SRGAP1: variants seen among roughly 807,000 people sequenced by gnomAD.
SRGAP1 encodes SLIT-ROBO Rho GTPase activating protein 1, also known as SLIT-ROBO Rho GTPase-activating protein 1.
SRGAP1 carries 43 observed loss-of-function variants against 121.9 expected under a neutral mutation model. The observed-to-expected ratio is 0.35, with a 90% CI of 0.28 to 0.46. The LOEUF is 0.46. SRGAP1 is among the 20% of genes least tolerant of loss of function. The pLI is 1.00. For missense variants in SRGAP1, 1,102 were observed against 1,350.9 expected (o/e 0.82, Z 2.89); for synonymous variants, 447 against 485.4 (o/e 0.92, Z 1.04).
intron 10 of SRGAP1, 187 bp downstream of exon 10, chr12:64,080,557 G>A (rs1461302601): frequency 2.9e-6 from 2 of 679,956 alleles, no homozygotes; most frequent in Admixed American, 4.1e-5. Context: ...AAAGCATGGT[G>A]CTAACCTTGA....
Position 64,126,125 on chromosome 12 carries a change from G to A in SRGAP1, c.2373G>A (p.Leu791=), listed in dbSNP as rs1340888798. 1.2e-6 allele frequency: 2 copies of A among 1,614,038 alleles called. No homozygotes were observed. Among genetic ancestry groups the A allele is most frequent in the Non-Finnish European group, 8.5e-7 (1 of 1,180,012 alleles). Residue 791 remains leucine, a synonymous_variant, in exon 19 of 22, where the codon CTG becomes CTA. Transcript: ENST00000355086. The part of the protein sequence containing the change: ...WEGRHNGIDG[L]VPHQYIVVQD... ...GCAGGCACAACGGGATTGACGGGCT[G>A]GTGCCTCACCAGTATATAGTGGTGC...
chr12:63,984,626 C>T (rs987006264), intron 2 of SRGAP1, among the ~76,000 whole-genome samples: 1 of 152,108 alleles, frequency 6.6e-6, no homozygotes, highest in Non-Finnish European at 1.5e-5. Context: ...AAGGAAAATG[C>T]TATGAATGAG....
At chr12:63,913,454 C>CAA (rs1461793304) in intron 1 of SRGAP1, among the ~76,000 whole-genome samples, 2 of 124,102 alleles carry the variant, frequency 1.6e-5, no homozygotes, top group East Asian at 5.2e-4. Flanking sequence ...ACTGTGTCCA[C>CAA]ATATATATAT....
Position 64,146,338 on chromosome 12 carries a change from A to T in SRGAP1, c.*3666A>T, listed in dbSNP as rs190612614. On this transcript the variant is annotated 3_prime_UTR_variant, in exon 22 of 22. Transcript: ENST00000355086. ...TATAGTGCTCCAAGAGTCAAATTGT[A>T]TCCGTTAAGGGTTTTCTAACTTTTG... 181 of 152,318 alleles carry T rather than the reference A, an allele frequency of 1.2e-3. No individual in the cohort carries two copies. Among genetic ancestry groups the T allele is most frequent in the African/African-American group, 4.1e-3 (170 of 41,568 alleles). 9.4% of individuals were successfully genotyped at this position (152,318 alleles called of 1,614,324 possible).
chr12:63,984,133 A>T lies in SRGAP1; in HGVS notation c.254A>T (p.Gln85Leu), dbSNP rs201941344. Reference sequence around the variant, plus strand: ...AAAACAAGAAGCACTAAGGATCATCAACAATACAAGTAAGAGATTTGAATC... The same window carrying T: ...AAAACAAGAAGCACTAAGGATCATCTACAATACAAGTAAGAGATTTGAATC... ...MAKTRSTKDH[Q>L]QYKKDQNLLS... The change falls in exon 2 of 22, where the codon CAA (glutamine) becomes CTA (leucine). Residue 85 changes from glutamine (Q) to leucine (L), a missense_variant. Gln to Leu is a moderately radical substitution (Grantham distance 113). Transcript: ENST00000355086. The T allele has an allele frequency of 1.8e-4, 272 of 1,475,438 alleles. 1 individual carries two copies. Among genetic ancestry groups the T allele is most frequent in the Non-Finnish European group, 2.8e-5 (31 of 1,093,970 alleles). The allele number at this position is 1,475,438 out of a possible 1,614,324, so 91.4% of individuals were successfully genotyped here.
In SRGAP1 at chr12:63,866,827, GTC is replaced by G. The variant is rs1899650799; in HGVS notation, c.67+21948_67+21949del. Reference sequence around the variant, plus strand: ...CTGGTCAGCAATGCATTTGTTACCAGTCTCTGGGGAGATAAGGGAGGAGATAA... The same window carrying G: ...CTGGTCAGCAATGCATTTGTTACCAGTCTGGGGAGATAAGGGAGGAGATAA... On this transcript the variant is annotated intron_variant, in intron 1 of 21. Coordinates refer to ENST00000355086, the MANE Select transcript of SRGAP1 (RefSeq NM_020762.4). 2.0e-5 allele frequency among the ~76,000 whole-genome samples: 3 copies of G among 150,600 alleles called. No individual in the cohort carries two copies. In the South Asian group the frequency reaches 6.3e-4, roughly 32 times the overall value.
At chr12:63,944,199 TTGTCATG>T (rs2031961764) in intron 1 of SRGAP1, among the ~76,000 whole-genome samples, 2 of 152,304 alleles carry the variant, frequency 1.3e-5, no homozygotes, top group African/African-American at 4.8e-5. Context: ...ATTAAGTAAT[TTGTCATG>T]TGTCAAGGTT....
chr12:64,007,060 A>C (rs777496701), intron 3 of SRGAP1, among the ~76,000 whole-genome samples: 1 of 152,170 alleles, frequency 6.6e-6, no homozygotes, highest in Non-Finnish European at 1.5e-5. Flanking sequence ...ATTACAAGTT[A>C]CTGAGTGGCC....
rs1377130960 is a variant in SRGAP1, at chr12:64,148,851, C to G, written c.*6179C>G. Reference sequence around the variant, plus strand: ...TTAAGCAATAGCACATTATCAGCATCCCAGAAGCTACTGTGCTCATGCCTC... The same window carrying G: ...TTAAGCAATAGCACATTATCAGCATGCCAGAAGCTACTGTGCTCATGCCTC... On this transcript the variant is annotated 3_prime_UTR_variant, in exon 22 of 22. Transcript: ENST00000355086. 2.0e-5 allele frequency: 3 copies of G among 152,222 alleles called. No homozygotes were observed. The highest frequency in any genetic ancestry group is 4.4e-5 in the Non-Finnish European group (3 of 68,050). The allele number at this position is 152,222 out of a possible 1,614,324, so 9.4% of individuals were successfully genotyped here.
chr12:63,899,589 G>T (rs1053614581), intron 1 of SRGAP1, among the ~76,000 whole-genome samples: 2 of 152,152 alleles, frequency 1.3e-5, no homozygotes, highest in African/African-American at 4.8e-5. Context: ...CACCCAGATT[G>T]GTTAACACCT....
intron 6 of SRGAP1, among the ~76,000 whole-genome samples, chr12:64,047,637 C>G (rs17711029): frequency 0.23 from 34,686 of 151,880 alleles, 4,152 homozygotes; most frequent in Non-Finnish European, 0.26. Context: ...TATATAAACC[C>G]CCAGTTTCCT....
intron 8 of SRGAP1, among the ~76,000 whole-genome samples, chr12:64,069,529 G>A (rs189771948): frequency 6.6e-6 from 1 of 152,182 alleles, no homozygotes; most frequent in East Asian, 1.9e-4. Flanking sequence ...ATATTCATTA[G>A]TGCCCACTGT....
In SRGAP1 at chr12:64,156,870, T is replaced by C. The variant is rs1290370720; in HGVS notation, c.*14198T>C. The C allele has an allele frequency of 7.2e-5, 11 of 152,110 alleles. No individual in the cohort carries two copies. The highest frequency in any genetic ancestry group is 4.4e-5 in the Non-Finnish European group (3 of 68,050). The allele number at this position is 152,110 out of a possible 1,614,324, so 9.4% of individuals were successfully genotyped here. On this transcript the variant is annotated 3_prime_UTR_variant, in exon 22 of 22. Coordinates refer to ENST00000355086, the MANE Select transcript of SRGAP1 (RefSeq NM_020762.4). ...GGGGTCAATGGCGAAAGAACACATT[T>C]CTCTAGGAAAGATTACCTTCTCTGA... is the stretch of plus-strand genomic sequence containing the variant.
At chr12:63,924,779 C>T (rs930895827) in intron 1 of SRGAP1, among the ~76,000 whole-genome samples, 2 of 152,146 alleles carry the variant, frequency 1.3e-5, no homozygotes, top group African/African-American at 2.4e-5. Flanking sequence ...TCCTTGAGAA[C>T]CAGCCTGTGA....
chr12:63,859,420 G>A (rs1361466349), intron 1 of SRGAP1, among the ~76,000 whole-genome samples: 3 of 152,152 alleles, frequency 2.0e-5, no homozygotes, highest in African/African-American at 7.2e-5. Flanking sequence ...ACTCGCCTCA[G>A]CCTCCTAAAG....
At chr12:63,964,269 C>A (rs1324612068) in intron 1 of SRGAP1, among the ~76,000 whole-genome samples, 2 of 152,166 alleles carry the variant, frequency 1.3e-5, no homozygotes, top group African/African-American at 4.8e-5. Flanking sequence ...ATAATATCCA[C>A]TCTCTCACAT....
chr12:63,863,289 T>TG, intron 1 of SRGAP1, among the ~76,000 whole-genome samples: 1 of 151,856 alleles, frequency 6.6e-6, no homozygotes, highest in East Asian at 1.9e-4. Context: ...TTTTTTTTTT[T>TG]TGAGACAGTG....
At position 64,159,412 on chromosome 12, in the gene SRGAP1, C is replaced by T; in HGVS notation, c.*16740C>T. ...CCCAGGAAGCGGAGGTTGCAGTGAG[C>T]CAAGATTGCACCATTGCACTCCAAC... On this transcript the variant is annotated 3_prime_UTR_variant, in exon 22 of 22. Transcript: ENST00000355086. The T allele has an allele frequency of 6.5e-6, 1 of 153,922 alleles. No homozygotes were observed. The highest frequency in any genetic ancestry group is 1.4e-5 in the Non-Finnish European group (1 of 69,412). 9.5% of individuals were successfully genotyped at this position (153,922 alleles called of 1,614,324 possible).
At chr12:63,908,418 G>A (rs965673252) in intron 1 of SRGAP1, among the ~76,000 whole-genome samples, 1 of 152,100 alleles carries the variant, frequency 6.6e-6, no homozygotes, top group Admixed American at 6.5e-5. Context: ...GTGTGTAAGT[G>A]TAAAGCTTTT....
Sources: gnomAD v4.1 joint callset for allele counts (sites outside exome capture counted in the v4.1 genomes callset) on GRCh38, gnomAD v4.1.1 for gene constraint, MANE v1.5 for transcripts, NCBI Gene and HGNC (gene_info 2026-07-23, HGNC 2026-07-21) for gene names.